Variants in LEKR1 observed in about 807,000 individuals in gnomAD.
LEKR1 encodes leucine, glutamate and lysine rich 1, also known as protein LEKR1.
Under a neutral mutation model 72.4 loss-of-function variants are expected in LEKR1, and 59 were observed. The observed-to-expected ratio is 0.82, with a 90% CI of 0.66 to 1.01. LEKR1 has a LOEUF of 1.01. Ranked by LOEUF, LEKR1 falls within the 50% of genes least tolerant of loss-of-function variation. The pLI, the probability that LEKR1 is intolerant of heterozygous loss-of-function variation, is 0.00. For synonymous variants in LEKR1, 257 were observed against 263.2 expected (o/e 0.98, Z 0.23); for missense variants, 728 against 759.2 (o/e 0.96, Z 0.48).
chr3:157,044,062 C>T (rs1372245922), intron 12 of LEKR1, among the ~76,000 whole-genome samples: 1 of 152,196 alleles, frequency 6.6e-6, no homozygotes, highest in Non-Finnish European at 1.5e-5. Flanking sequence ...ACTACTGTCC[C>T]TGGTGCTTTG....
chr3:156,901,084 C>G (rs1721987030), intron 3 of LEKR1, among the ~76,000 whole-genome samples: 1 of 151,762 alleles, frequency 6.6e-6, no homozygotes, highest in Admixed American at 6.6e-5. Flanking sequence ...TGCAGCCTCG[C>G]CAACCCCAGT....
intron 6 of LEKR1, among the ~76,000 whole-genome samples, chr3:156,948,146 C>A (rs1201653141): frequency 1.3e-5 from 2 of 150,886 alleles, no homozygotes; most frequent in South Asian, 2.1e-4. Flanking sequence ...TCTTTTCATT[C>A]AAAAATATGG....
At chr3:156,830,049 GA>G (rs1444072643) in intron 2 of LEKR1, among the ~76,000 whole-genome samples, 6 of 152,116 alleles carry the variant, frequency 3.9e-5, no homozygotes, top group African/African-American at 1.4e-4. Context: ...AGACACTTAA[GA>G]AACTACGTGG....
At chr3:156,897,392 C>A (rs1048887424) in intron 3 of LEKR1, among the ~76,000 whole-genome samples, 7 of 152,036 alleles carry the variant, frequency 4.6e-5, no homozygotes, top group Non-Finnish European at 7.4e-5. Flanking sequence ...CATGACACAG[C>A]CCTCAGGAGG....
chr3:156,947,213 A>C (rs951086668), intron 6 of LEKR1, among the ~76,000 whole-genome samples: 12 of 150,636 alleles, frequency 8.0e-5, no homozygotes, highest in Non-Finnish European at 1.5e-4. Context: ...GAAGCTTTCT[A>C]CTTTTTTGAT....
At chr3:157,030,436 C>T (rs945982816) in intron 12 of LEKR1, among the ~76,000 whole-genome samples, 3 of 152,090 alleles carry the variant, frequency 2.0e-5, no homozygotes, top group African/African-American at 7.2e-5. Context: ...ACTGCCACTT[C>T]CTGCTCTCAA....
chr3:156,974,358 G>A lies in LEKR1; in HGVS notation c.746-4836G>A, dbSNP rs191280865. ...AATTTTTTCACATGTTAAGATGCAG[G>A]TTAGAAGGTATACATTAAATTCACA... On this transcript the variant is annotated intron_variant, in intron 6 of 12. Coordinates refer to ENST00000356539, the MANE Select transcript of LEKR1 (RefSeq NM_001004316.3). 9.2e-5 allele frequency among the ~76,000 whole-genome samples: 14 copies of A among 152,244 alleles called. No homozygotes were observed. In the South Asian group the frequency reaches 1.7e-3, roughly 18 times the overall value.
chr3:157,014,912 TCTAAATACAAAG>T (rs1179076942), intron 10 of LEKR1, among the ~76,000 whole-genome samples: 1 of 152,166 alleles, frequency 6.6e-6, no homozygotes, highest in East Asian at 1.9e-4. Flanking sequence ...CCTCCATGTA[TCTAAATACAAAG>T]TTCCATATTT....
At chr3:156,877,928 G>A (rs1168888655) in intron 3 of LEKR1, among the ~76,000 whole-genome samples, 2 of 151,906 alleles carry the variant, frequency 1.3e-5, no homozygotes, top group Non-Finnish European at 2.9e-5. Context: ...GATTCCAGGT[G>A]TGCACCACCA....
chr3:156,849,863 C>T lies in LEKR1; in HGVS notation c.49-2905C>T, dbSNP rs999412684. ...ATAGGCATGGGCAAGGACTTCATGTCTAAAACACCAAAAGCAATGGCAACA... is the reference window on the plus strand; with the variant it reads ...ATAGGCATGGGCAAGGACTTCATGTTTAAAACACCAAAAGCAATGGCAACA... On this transcript the variant is annotated intron_variant, in intron 2 of 12. Coordinates refer to ENST00000356539, the MANE Select transcript of LEKR1 (RefSeq NM_001004316.3). 2.6e-5 allele frequency among the ~76,000 whole-genome samples: 4 copies of T among 152,120 alleles called. No individual in the cohort carries two copies. In the East Asian group the frequency reaches 7.7e-4, roughly 29 times the overall value.
In LEKR1 at chr3:157,028,283, A is replaced by C; in HGVS notation, c.1549A>C (p.Ser517Arg). The stretch of plus-strand genomic sequence containing the variant: ...ATCTCGCTTGAAGAAGGAAATTGAC[A>C]GTAATGATTCAGTTTCAGAAAACTT... ...FESRLKKEIDSNDSVSENLRK... is the reference protein window; with the variant it reads ...FESRLKKEIDRNDSVSENLRK... Residue 517 changes from serine to arginine, a missense_variant, in exon 12 of 13, where the codon AGT becomes CGT. Physicochemically the swap from Ser to Arg is moderately radical, Grantham distance 110 (BLOSUM62 -1). Transcript: ENST00000356539. The C allele has an allele frequency of 1.2e-6, 2 of 1,613,438 alleles. No individual in the cohort carries two copies. Among genetic ancestry groups the C allele is most frequent in the Non-Finnish European group, 8.5e-7 (1 of 1,179,570 alleles).
At chr3:156,829,435 T>C in intron 2 of LEKR1, 58 bp downstream of exon 2, 1 of 1,242,750 alleles carries the variant, frequency 8.0e-7, no homozygotes, top group Admixed American at 2.2e-5. Flanking sequence ...GTTACATAAT[T>C]CTAAAACCTA....
chr3:156,845,660 G>A (rs1024447545), intron 2 of LEKR1, among the ~76,000 whole-genome samples: 14 of 151,952 alleles, frequency 9.2e-5, no homozygotes, highest in Non-Finnish European at 1.6e-4. Flanking sequence ...TATGGAGGTC[G>A]TTTTCTGTTC....
At chr3:157,038,131 T>C (rs967255062) in intron 12 of LEKR1, among the ~76,000 whole-genome samples, 2 of 151,950 alleles carry the variant, frequency 1.3e-5, no homozygotes, top group African/African-American at 4.8e-5. Context: ...GTGTAGAAAA[T>C]AGGTTGAAGA....
At chr3:156,982,372 CAGGA>C (rs1730273862) in intron 7 of LEKR1, among the ~76,000 whole-genome samples, 1 of 49,340 alleles carries the variant, frequency 2.0e-5, no homozygotes, top group African/African-American at 7.5e-5. Context: ...TGCCTGCAGG[CAGGA>C]AGGGATGGTT....
At position 156,867,708 on chromosome 3, in the gene LEKR1, T is replaced by C. The variant is rs370601842; in HGVS notation, c.263+14726T>C. 3.9e-5 allele frequency among the ~76,000 whole-genome samples: 6 copies of C among 152,200 alleles called. No homozygotes were observed. The South Asian group carries it at 6.2e-4, about 16-fold the overall frequency. On this transcript the variant is annotated intron_variant, in intron 3 of 12. Transcript: ENST00000356539. Reference sequence around the variant, plus strand: ...ACTGTCTTATTTTGTATTTTGTGTGTGTGTTTGTGTTCTTAAGTCTCAGCT... The same window carrying C: ...ACTGTCTTATTTTGTATTTTGTGTGCGTGTTTGTGTTCTTAAGTCTCAGCT...
At chr3:156,938,367 TG>T (rs1349534276) in intron 5 of LEKR1, among the ~76,000 whole-genome samples, 8 of 152,178 alleles carry the variant, frequency 5.3e-5, no homozygotes, top group Admixed American at 3.9e-4. Context: ...AAAGTTTTTA[TG>T]TTTTTTTGTT....
At chr3:157,002,231 T>C (rs1732071225) in intron 9 of LEKR1, among the ~76,000 whole-genome samples, 1 of 152,186 alleles carries the variant, frequency 6.6e-6, no homozygotes, top group Non-Finnish European at 1.5e-5. Context: ...CAGCTACTTA[T>C]AACATGGAAA....
chr3:156,928,070 C>G (rs1013633275), intron 5 of LEKR1, among the ~76,000 whole-genome samples: 26 of 151,906 alleles, frequency 1.7e-4, no homozygotes, highest in African/African-American at 6.0e-4. Context: ...CTATATTATT[C>G]CAACTATATG....
Sources: gnomAD v4.1 joint callset for allele counts (sites outside exome capture counted in the v4.1 genomes callset) on GRCh38, gnomAD v4.1.1 for gene constraint, MANE v1.5 for transcripts, NCBI Gene and HGNC (gene_info 2026-07-23, HGNC 2026-07-21) for gene names.